The following RGSL1 variants were observed in gnomAD, a reference collection of about 807,000 sequenced individuals.
RGSL1 encodes the protein regulator of G protein signaling protein-like.
A neutral mutation model predicts 124.7 loss-of-function variants in RGSL1; 97 were observed. The observed-to-expected ratio is 0.78, with a 90% confidence interval of 0.66 to 0.92. RGSL1 has a LOEUF of 0.92. RGSL1 is among the 40% of genes least tolerant of loss of function. RGSL1 has a pLI of 0.00. For missense variants in RGSL1, 1,233 were observed against 1,288.4 expected (o/e 0.96, Z 0.66); for synonymous variants, 424 against 438.1 (o/e 0.97, Z 0.40).
intron 9 of RGSL1, among the ~76,000 whole-genome samples, chr1:182,517,807 GT>G (rs1487862123): frequency 6.6e-6 from 1 of 152,138 alleles, no homozygotes; most frequent in African/African-American, 2.4e-5. Context: ...AGATCACTGA[GT>G]TTTCTTAAAA....
At chr1:182,544,938 T>C (rs1394500119) in intron 15 of RGSL1, among the ~76,000 whole-genome samples, 1 of 152,130 alleles carries the variant, frequency 6.6e-6, no homozygotes, top group Non-Finnish European at 1.5e-5. Context: ...TGTTTCTTTA[T>C]CCATTCAGCC....
At chr1:182,534,643 C>G (rs1006695392) in intron 14 of RGSL1, among the ~76,000 whole-genome samples, 1 of 152,148 alleles carries the variant, frequency 6.6e-6, no homozygotes, top group Non-Finnish European at 1.5e-5. Flanking sequence ...GCCTAACCAA[C>G]ATGGTGAAAC....
chr1:182,515,105 C>A (rs1228819418), intron 9 of RGSL1, among the ~76,000 whole-genome samples: 2 of 152,186 alleles, frequency 1.3e-5, no homozygotes, highest in Non-Finnish European at 2.9e-5. Flanking sequence ...ATGGCAGGTG[C>A]CACCCACAGG....
At chr1:182,528,597 C>A (rs1219792061) in intron 11 of RGSL1, among the ~76,000 whole-genome samples, 2 of 152,158 alleles carry the variant, frequency 1.3e-5, no homozygotes, top group African/African-American at 4.8e-5. Flanking sequence ...AATTCCCATG[C>A]AAGTCCAGAA....
intron 6 of RGSL1, among the ~76,000 whole-genome samples, chr1:182,476,135 A>G (rs1475348350): frequency 6.6e-6 from 1 of 152,172 alleles, no homozygotes; most frequent in Non-Finnish European, 1.5e-5. Flanking sequence ...TTCAGAATAG[A>G]TCAGTCTAGT....
chr1:182,475,343 A>G (rs1379582305), intron 6 of RGSL1, among the ~76,000 whole-genome samples: 10 of 152,352 alleles, frequency 6.6e-5, no homozygotes, highest in East Asian at 1.9e-4. Context: ...TCATATAGCT[A>G]TTGTATCATC....
chr1:182,559,199 A>G (rs2102351043), intron 21 of RGSL1, among the ~76,000 whole-genome samples: 1 of 152,248 alleles, frequency 6.6e-6, no homozygotes, highest in African/African-American at 2.4e-5. Flanking sequence ...TGAGATCCCT[A>G]GCCCCTAGCT....
chr1:182,557,482 G>A (rs930740747), intron 21 of RGSL1, among the ~76,000 whole-genome samples: 1 of 152,216 alleles, frequency 6.6e-6, no homozygotes, highest in African/African-American at 2.4e-5. Flanking sequence ...TGACTGACAA[G>A]GATCTAGCAA....
At position 182,532,811 on chromosome 1, in the gene RGSL1, A is replaced by G; in HGVS notation, c.2494+20A>G. On this transcript the variant is annotated intron_variant, in intron 14 of 21. Transcript: ENST00000294854. ...AGGAAAGTAAGTCATTTCTGTATTTACCCCCACTCCCTGTTGATATTTTAG... is the reference window on the plus strand; with the variant it reads ...AGGAAAGTAAGTCATTTCTGTATTTGCCCCCACTCCCTGTTGATATTTTAG... 1 of 1,544,752 alleles carries G rather than the reference A, an allele frequency of 6.5e-7. No individual in the cohort carries two copies. The highest frequency in any genetic ancestry group is 8.8e-7 in the Non-Finnish European group (1 of 1,142,340).
At position 182,451,837 on chromosome 1, in the gene RGSL1, T is replaced by C. The variant is rs76151850; in HGVS notation, c.13+1659T>C. Reference sequence around the variant, plus strand: ...CATTTAAGAAGCTGATGCAGAAGTCTAGGTGAGAGAGCATAGAGGCCTGTA... The same window carrying C: ...CATTTAAGAAGCTGATGCAGAAGTCCAGGTGAGAGAGCATAGAGGCCTGTA... On this transcript the variant is annotated intron_variant, in intron 1 of 21. Coordinates refer to ENST00000294854, the MANE Select transcript of RGSL1 (RefSeq NM_001137669.2). Among the ~76,000 whole-genome samples, 1,082 of 151,550 alleles carry C rather than the reference T, an allele frequency of 7.1e-3. 14 individuals carry two copies. The highest frequency in any genetic ancestry group is 0.022 in the African/African-American group (925 of 41,376).
chr1:182,465,574 C>T (rs1234780536), intron 4 of RGSL1, among the ~76,000 whole-genome samples: 3 of 151,956 alleles, frequency 2.0e-5, no homozygotes, highest in Admixed American at 6.6e-5. Flanking sequence ...AACAAACCTG[C>T]ACATTGTGCA....
intron 18 of RGSL1, among the ~76,000 whole-genome samples, chr1:182,551,454 G>A (rs1660558687): frequency 6.6e-6 from 1 of 152,174 alleles, no homozygotes; most frequent in Admixed American, 6.5e-5. Context: ...GTGCATGCCG[G>A]TCACAGTCTA....
intron 9 of RGSL1, among the ~76,000 whole-genome samples, chr1:182,518,595 G>T (rs916794251): frequency 3.3e-5 from 5 of 152,150 alleles, no homozygotes; most frequent in Non-Finnish European, 5.9e-5. Flanking sequence ...CCATGAAGAT[G>T]CTTCCCCTGC....
Position 182,529,524 on chromosome 1 carries a change from G to A in RGSL1, c.2126-720G>A, listed in dbSNP as rs114650938. The stretch of plus-strand genomic sequence containing the variant: ...GGGTAAATATGGTAAATAAAATCTT[G>A]GCCAAAAGCAGAAGTTGCAAATAAT... On this transcript the variant is annotated intron_variant, in intron 11 of 21. Coordinates refer to ENST00000294854, the MANE Select transcript of RGSL1 (RefSeq NM_001137669.2). 3.7e-3 allele frequency among the ~76,000 whole-genome samples: 566 copies of A among 152,078 alleles called. 1 individual carries two copies. Among genetic ancestry groups the A allele is most frequent in the Non-Finnish European group, 5.6e-3 (380 of 67,986 alleles).
At chr1:182,517,329 GATT>G (rs1475037594) in intron 9 of RGSL1, among the ~76,000 whole-genome samples, 2 of 141,632 alleles carry the variant, frequency 1.4e-5, no homozygotes, top group Admixed American at 7.3e-5. Context: ...TTGGGTGTTT[GATT>G]ATTATAGTCC....
In RGSL1 at chr1:182,548,986, C is replaced by T. The variant is rs187963489; in HGVS notation, c.2933+162C>T. 8.8e-5 allele frequency: 71 copies of T among 806,644 alleles called. 1 individual carries two copies. Among genetic ancestry groups the T allele is most frequent in the Non-Finnish European group, 9.4e-6 (5 of 534,212 alleles). 50.0% of individuals were successfully genotyped at this position (806,644 alleles called of 1,614,324 possible). On this transcript the variant is annotated intron_variant, in intron 17 of 21. Coordinates refer to ENST00000294854, the MANE Select transcript of RGSL1 (RefSeq NM_001137669.2). ...CCTATTCACCTCACTCCATCCCTCA[C>T]ACAGAACACCAAACACTGAATCCAC...
At chr1:182,452,908 TA>T (rs1303860032) in intron 1 of RGSL1, among the ~76,000 whole-genome samples, 1 of 152,234 alleles carries the variant, frequency 6.6e-6, no homozygotes, top group African/African-American at 2.4e-5. Context: ...GAGATGAGCT[TA>T]GGGCATAGTA....
chr1:182,532,782 A>G lies in RGSL1; in HGVS notation c.2485A>G (p.Ser829Gly), dbSNP rs1659269678. 1 of 1,550,244 alleles carries G rather than the reference A, an allele frequency of 6.5e-7. No individual in the cohort carries two copies. The highest frequency in any genetic ancestry group is 8.7e-7 in the Non-Finnish European group (1 of 1,146,068). Residue 829 changes from serine (S) to glycine (G), a missense_variant, in exon 14 of 22, where the codon AGC becomes GGC. Ser to Gly is a moderately conservative substitution (Grantham distance 56). Coordinates refer to ENST00000294854, the MANE Select transcript of RGSL1 (RefSeq NM_001137669.2). The part of the protein sequence containing the change: ...EDYLHQEMQN[S>G]KENFTTAHNT... The stretch of plus-strand genomic sequence containing the variant: ...CTATCTTCACCAGGAAATGCAAAAT[A>G]GCAAGGAAAGTAAGTCATTTCTGTA...
intron 10 of RGSL1, among the ~76,000 whole-genome samples, chr1:182,525,026 G>A (rs1355501811): frequency 6.6e-6 from 1 of 152,048 alleles, no homozygotes; most frequent in Admixed American, 6.6e-5. Context: ...AAAAAACTGA[G>A]CAGACACTTT....
Sources: allele counts gnomAD v4.1 joint callset (sites outside exome capture counted in the v4.1 genomes callset), GRCh38; gene constraint gnomAD v4.1.1; transcripts MANE v1.5; gene names NCBI Gene and HGNC (gene_info 2026-07-23, HGNC 2026-07-21).